Variants in CDH23 observed in about 807,000 individuals in gnomAD.
The protein encoded by CDH23 is cadherin related 23.
Under a neutral mutation model 317.1 loss-of-function variants are expected in CDH23, and 189 were observed. The observed-to-expected ratio is 0.60, with a 90% CI of 0.53 to 0.67. CDH23 has a LOEUF of 0.67. Among genes scored for constraint, CDH23 ranks in the 30% least tolerant of loss-of-function variants. CDH23 has a pLI of 0.00. For synonymous variants in CDH23, 1,839 were observed against 1,876.8 expected (o/e 0.98, Z 0.52); for missense variants, 4,401 against 4,592.4 (o/e 0.96, Z 1.20).
intron 1 of CDH23, among the ~76,000 whole-genome samples, chr10:71,406,783 T>G (rs1319196236): frequency 1.3e-5 from 2 of 152,268 alleles, no homozygotes; most frequent in Non-Finnish European, 2.9e-5. Context: ...TGTCAGGTGC[T>G]GTTCTAGGCC....
intron 1 of CDH23, among the ~76,000 whole-genome samples, chr10:71,412,671 G>C (rs57106821): frequency 0.039 from 5,985 of 152,238 alleles, 386 homozygotes; most frequent in African/African-American, 0.14. Context: ...ACTGCACCCA[G>C]CTAATTTTTT....
intron 3 of CDH23, among the ~76,000 whole-genome samples, chr10:71,450,666 C>T (rs11597744): frequency 0.11 from 15,994 of 152,112 alleles, 929 homozygotes; most frequent in South Asian, 0.16. Flanking sequence ...GACCTTGTGG[C>T]CTTCAATTGG....
chr10:71,453,934 G>A (rs1013378031), intron 3 of CDH23, among the ~76,000 whole-genome samples: 1 of 151,758 alleles, frequency 6.6e-6, no homozygotes, highest in African/African-American at 2.4e-5. Flanking sequence ...TCAGCTCTAC[G>A]AAAAAAAATA....
chr10:71,405,736 C>T (rs998752949), intron 1 of CDH23, among the ~76,000 whole-genome samples: 1 of 152,172 alleles, frequency 6.6e-6, no homozygotes, highest in Non-Finnish European at 1.5e-5. Flanking sequence ...TCGTGCCCAG[C>T]CACGGATGGA....
At chr10:71,686,141 G>T (rs994112430) in intron 18 of CDH23, among the ~76,000 whole-genome samples, 1 of 152,078 alleles carries the variant, frequency 6.6e-6, no homozygotes, top group Non-Finnish European at 1.5e-5. Context: ...AGAGCGAGCC[G>T]CTGATTTAGA....
At chr10:71,806,306 G>A in intron 57 of CDH23, 25 bp downstream of exon 57, 1 of 1,493,212 alleles carries the variant, frequency 6.7e-7, no homozygotes, top group Non-Finnish European at 9.1e-7. Flanking sequence ...CTCCTGCGCT[G>A]GTCACACCCA....
chr10:71,688,574 T>TGTGGAGTCAGGGGTG (rs1223158910), intron 19 of CDH23, among the ~76,000 whole-genome samples: 1,690 of 34,636 alleles, frequency 0.049, 46 homozygotes, highest in Non-Finnish European at 0.071. Flanking sequence ...AGCCAGGGGT[T>TGTGGAGTCAGGGGTG]GTGGAGTCAG....
chr10:71,669,274 A>G (rs1037952365), intron 14 of CDH23, among the ~76,000 whole-genome samples: 1 of 152,206 alleles, frequency 6.6e-6, no homozygotes, highest in African/African-American at 2.4e-5. Context: ...TGACTGTCCC[A>G]TAGACTGGCA....
At chr10:71,517,801 A>C (rs1016157110) in intron 6 of CDH23, among the ~76,000 whole-genome samples, 9 of 152,224 alleles carry the variant, frequency 5.9e-5, no homozygotes, top group African/African-American at 2.2e-4. Context: ...TGCAGGCCAC[A>C]GCCAGAGTGG....
intron 1 of CDH23, among the ~76,000 whole-genome samples, chr10:71,427,228 A>G (rs373530471): frequency 3.7e-5 from 3 of 81,118 alleles, no homozygotes; most frequent in Non-Finnish European, 8.1e-5. Context: ...AAAGAAAGAA[A>G]GAAAGAAAGA....
At chr10:71,403,400 T>TC (rs1404715487) in intron 1 of CDH23, among the ~76,000 whole-genome samples, 39 of 86,198 alleles carry the variant, frequency 4.5e-4, no homozygotes, top group East Asian at 1.8e-3. Flanking sequence ...TCTTTCTTTC[T>TC]TTCTTTCTCT....
chr10:71,422,655 C>A (rs1295055592), intron 1 of CDH23, among the ~76,000 whole-genome samples: 1 of 152,206 alleles, frequency 6.6e-6, no homozygotes, highest in Non-Finnish European at 1.5e-5. Context: ...AGGAGCTAGG[C>A]CCCCTGGGAT....
intron 18 of CDH23, among the ~76,000 whole-genome samples, chr10:71,686,967 G>A (rs1864928606): frequency 6.6e-6 from 1 of 152,218 alleles, no homozygotes; most frequent in South Asian, 2.1e-4. Context: ...ACCCTGCCAG[G>A]CTCAGCCCCT....
intron 3 of CDH23, among the ~76,000 whole-genome samples, chr10:71,448,965 A>G (rs1850303474): frequency 1.3e-5 from 2 of 151,946 alleles, no homozygotes; most frequent in South Asian, 4.1e-4. Flanking sequence ...TGGTCTAGAG[A>G]CTTGACTTTG....
At chr10:71,631,113 C>T (rs529272845) in intron 11 of CDH23, among the ~76,000 whole-genome samples, 2 of 152,290 alleles carry the variant, frequency 1.3e-5, no homozygotes, top group South Asian at 2.1e-4. Context: ...GGCATGGTGG[C>T]GCACACTTGT....
intron 6 of CDH23, among the ~76,000 whole-genome samples, chr10:71,553,578 C>G (rs369307400): frequency 1.5e-4 from 23 of 152,320 alleles, no homozygotes; most frequent in African/African-American, 5.3e-4. Context: ...GACAGAGGGA[C>G]AGGGGTGGGA....
intron 2 of CDH23, among the ~76,000 whole-genome samples, chr10:71,442,653 G>A (rs759820170): frequency 3.3e-5 from 5 of 152,184 alleles, no homozygotes; most frequent in Non-Finnish European, 7.3e-5. Context: ...GCTTGTTGGG[G>A]AGGCAGGAAG....
chr10:71,492,204 G>T (rs1174495418), intron 3 of CDH23, among the ~76,000 whole-genome samples: 5 of 152,176 alleles, frequency 3.3e-5, no homozygotes, highest in Non-Finnish European at 7.4e-5. Flanking sequence ...TGGCTAAATG[G>T]CAAAGGGAGC....
chr10:71,499,435 G>A lies in CDH23; in HGVS notation c.146-10647G>A, dbSNP rs4279930. Among the ~76,000 whole-genome samples, 9 of 152,234 alleles carry A rather than the reference G, an allele frequency of 5.9e-5. No homozygotes were observed. In the East Asian group the frequency reaches 1.5e-3, roughly 26 times the overall value. On this transcript the variant is annotated intron_variant, in intron 3 of 69. Coordinates refer to ENST00000224721, the MANE Select transcript of CDH23 (RefSeq NM_022124.6). ...AAATTAGCCACGCATAGTGGCACATGCTTGTAATCCGAGCTACTTGGGAGG... is the reference window on the plus strand; with the variant it reads ...AAATTAGCCACGCATAGTGGCACATACTTGTAATCCGAGCTACTTGGGAGG...
Sources: gnomAD v4.1 joint callset for allele counts (sites outside exome capture counted in the v4.1 genomes callset) on GRCh38, gnomAD v4.1.1 for gene constraint, MANE v1.5 for transcripts, NCBI Gene and HGNC (gene_info 2026-07-23, HGNC 2026-07-21) for gene names.